BMPER: variants seen among roughly 807,000 people sequenced by gnomAD.
BMPER encodes BMP binding endothelial regulator, also known as BMP-binding endothelial regulator protein.
A neutral mutation model predicts 87.3 loss-of-function variants in BMPER; 45 were observed. That is an observed-to-expected ratio of 0.52 (90% confidence interval 0.41 to 0.66). BMPER has a LOEUF of 0.66. BMPER is among the 30% of genes least tolerant of loss of function. The probability of loss-of-function intolerance (pLI) is 0.00; values close to 1 mark genes in which losing one functional copy is unlikely to be tolerated. For missense variants in BMPER, 784 were observed against 867.5 expected, an observed-to-expected ratio of 0.90 and a Z score of 1.21; for synonymous variants, 326 against 316.2, an observed-to-expected ratio of 1.03 and a Z score of -0.33.
chr7:34,082,391 G>A (rs1054989673), intron 12 of BMPER, among the ~76,000 whole-genome samples: 7 of 128,336 alleles, frequency 5.5e-5, no homozygotes, highest in African/African-American at 1.8e-4. Context: ...TTTTGCTCAT[G>A]TAGAGGGTAA....
chr7:33,969,674 T>C (rs1037762846), intron 4 of BMPER, among the ~76,000 whole-genome samples: 4 of 152,232 alleles, frequency 2.6e-5, no homozygotes, highest in East Asian at 1.9e-4. Context: ...GCTGGGATTA[T>C]AGGCGTGAGC....
chr7:34,011,583 CAAAAAAAAAA>C (rs36022297), intron 6 of BMPER, among the ~76,000 whole-genome samples: 36 of 45,760 alleles, frequency 7.9e-4, no homozygotes, highest in Non-Finnish European at 1.2e-3. Flanking sequence ...TTGGTCAGGG[CAAAAAAAAAA>C]AAAAAAAAAA....
intron 3 of BMPER, among the ~76,000 whole-genome samples, chr7:33,959,023 C>T (rs1367058242): frequency 3.3e-5 from 5 of 152,114 alleles, no homozygotes; most frequent in Admixed American, 1.3e-4. Context: ...TCTCTCCTGC[C>T]GCCATGTGAG....
intron 6 of BMPER, among the ~76,000 whole-genome samples, chr7:34,027,724 A>G (rs1225292012): frequency 1.3e-5 from 2 of 152,066 alleles, no homozygotes; most frequent in Admixed American, 6.6e-5. Flanking sequence ...TTCAAGGAAA[A>G]CAAGTGGCAG....
chr7:33,989,447 AC>A (rs1461745398), intron 6 of BMPER, among the ~76,000 whole-genome samples: 1 of 152,052 alleles, frequency 6.6e-6, no homozygotes, highest in Non-Finnish European at 1.5e-5. Flanking sequence ...TCCTTCGCCC[AC>A]TTTTTGATAG....
At chr7:34,137,513 C>A (rs564641852) in intron 13 of BMPER, among the ~76,000 whole-genome samples, 5 of 152,296 alleles carry the variant, frequency 3.3e-5, no homozygotes, top group South Asian at 2.1e-4. Flanking sequence ...GCTAGATAAG[C>A]CAGACACAGT....
Position 34,048,477 on chromosome 7 carries a change from C to T in BMPER, c.676+2072C>T, listed in dbSNP as rs117847619. Among the ~76,000 whole-genome samples the T allele has an allele frequency of 5.3e-3, 810 of 152,292 alleles. 4 individuals are homozygous for T. Among genetic ancestry groups the T allele is most frequent in the Non-Finnish European group, 8.9e-3 (607 of 68,016 alleles). Reference sequence around the variant, plus strand: ...TTCTGTTTGGGTTGCCAGTGTGTGTCAGTGTCCCTGGGATAGGGTTAGCCA... The same window carrying T: ...TTCTGTTTGGGTTGCCAGTGTGTGTTAGTGTCCCTGGGATAGGGTTAGCCA... On this transcript the variant is annotated intron_variant, in intron 7 of 14. Transcript: ENST00000649409.
At chr7:34,149,802 A>T (rs1457250899) in intron 14 of BMPER, among the ~76,000 whole-genome samples, 1 of 148,740 alleles carries the variant, frequency 6.7e-6, no homozygotes, top group Non-Finnish European at 1.5e-5. Context: ...CTTTGGAGGG[A>T]ACTGCTTCAG....
chr7:33,973,440 AT>A (rs1785600147), intron 5 of BMPER, among the ~76,000 whole-genome samples: 1 of 152,212 alleles, frequency 6.6e-6, no homozygotes, highest in Admixed American at 6.5e-5. Flanking sequence ...TGCCTGGGGC[AT>A]TTTTTAAACC....
chr7:34,012,696 A>G (rs907840538), intron 6 of BMPER, among the ~76,000 whole-genome samples: 2 of 151,928 alleles, frequency 1.3e-5, no homozygotes, highest in Admixed American at 1.3e-4. Flanking sequence ...TTAAACCAGC[A>G]TCAACCTATA....
chr7:34,002,948 T>TAA (rs371968364), intron 6 of BMPER, among the ~76,000 whole-genome samples: 1 of 151,052 alleles, frequency 6.6e-6, no homozygotes, highest in African/African-American at 2.4e-5. Flanking sequence ...TATCCTGCTT[T>TAA]AAAAAAAAAT....
rs184756384 is a variant in BMPER at position 34,012,338 on chromosome 7, A to G, written c.577-33968A>G. On this transcript the variant is annotated intron_variant, in intron 6 of 14. Transcript: ENST00000649409. ...CCAAACATCAAAGGATATACTCTCA[A>G]GAGTTCTGAAAACTGGGATAGGTAG... Among the ~76,000 whole-genome samples the G allele has an allele frequency of 3.8e-3, 580 of 152,080 alleles. 1 individual carries two copies. Among genetic ancestry groups the G allele is most frequent in the Middle Eastern group, 6.8e-3 (2 of 294 alleles).
chr7:34,019,796 T>A (rs1787130801), intron 6 of BMPER, among the ~76,000 whole-genome samples: 1 of 151,806 alleles, frequency 6.6e-6, no homozygotes, highest in Non-Finnish European at 1.5e-5. Flanking sequence ...GAGTAGCATA[T>A]AAAGGACTGT....
At chr7:34,140,860 C>G (rs1790847544) in intron 13 of BMPER, among the ~76,000 whole-genome samples, 1 of 152,174 alleles carries the variant, frequency 6.6e-6, no homozygotes, top group South Asian at 2.1e-4. Context: ...CACACTGAGA[C>G]CAGCCTTTTC....
chr7:34,136,596 A>G (rs947873053), intron 13 of BMPER, among the ~76,000 whole-genome samples: 2 of 152,180 alleles, frequency 1.3e-5, no homozygotes, highest in Non-Finnish European at 1.5e-5. Flanking sequence ...CCAGGTACCA[A>G]TAAACCTAAG....
chr7:33,923,931 A>G (rs1420157871), intron 2 of BMPER, among the ~76,000 whole-genome samples: 2 of 152,158 alleles, frequency 1.3e-5, no homozygotes, highest in Non-Finnish European at 2.9e-5. Flanking sequence ...ATACAGATCC[A>G]TTGCCTAAAA....
At chr7:34,034,043 C>T (rs1209539056) in intron 6 of BMPER, among the ~76,000 whole-genome samples, 3 of 152,134 alleles carry the variant, frequency 2.0e-5, no homozygotes, top group African/African-American at 7.2e-5. Context: ...CATGTTGTCA[C>T]AGTTACGGAG....
At chr7:34,058,545 A>C (rs1292874418) in intron 10 of BMPER, among the ~76,000 whole-genome samples, 2 of 152,172 alleles carry the variant, frequency 1.3e-5, no homozygotes, top group Admixed American at 6.5e-5. Flanking sequence ...AGCCATTCAA[A>C]GTAATATGTG....
intron 4 of BMPER, among the ~76,000 whole-genome samples, chr7:33,969,135 A>G (rs1457673333): frequency 1.3e-5 from 2 of 152,194 alleles, no homozygotes; most frequent in African/African-American, 4.8e-5. Context: ...TGTTGGGTTG[A>G]GATGATGTGG....
Sources: allele counts gnomAD v4.1 joint callset (sites outside exome capture counted in the v4.1 genomes callset), GRCh38; gene constraint gnomAD v4.1.1; transcripts MANE v1.5; gene names NCBI Gene and HGNC (gene_info 2026-07-23, HGNC 2026-07-21).